The following SLCO1A2 variants were observed in gnomAD, a reference collection of about 807,000 sequenced individuals.
The protein encoded by SLCO1A2 is OATP-1.
A neutral mutation model predicts 69.0 loss-of-function variants in SLCO1A2; 67 were observed. That is an observed-to-expected ratio of 0.97 (90% confidence interval 0.80 to 1.19). The LOEUF (loss-of-function observed/expected upper bound fraction) is 1.19. SLCO1A2 is among the 50% of genes most tolerant of loss of function. The probability of loss-of-function intolerance (pLI) is 0.00; values close to 1 mark genes in which losing one functional copy is unlikely to be tolerated. For synonymous variants in SLCO1A2, 260 were observed against 265.9 expected (o/e 0.98, Z 0.22); for missense variants, 787 against 793.7 (o/e 0.99, Z 0.10).
intron 1 of SLCO1A2, among the ~76,000 whole-genome samples, chr12:21,376,684 G>A (rs1324932642): frequency 6.6e-6 from 1 of 151,858 alleles, no homozygotes; most frequent in African/African-American, 2.4e-5. Flanking sequence ...AGTTTCACAT[G>A]AGATTATTAA....
intron 12 of SLCO1A2, among the ~76,000 whole-genome samples, chr12:21,276,110 A>G (rs962960583): frequency 2.6e-5 from 4 of 152,188 alleles, no homozygotes; most frequent in Admixed American, 6.5e-5. Context: ...AATTTATGCT[A>G]TAAGAGAATT....
upstream of SLCO1A2, among the ~76,000 whole-genome samples, chr12:21,397,199 C>CA (rs1565531135): frequency 6.7e-6 from 1 of 150,192 alleles, no homozygotes; most frequent in African/African-American, 2.4e-5. Flanking sequence ...AAATGGAAAA[C>CA]AAAAAAAGGC....
At chr12:21,310,099 T>C (rs957487186) in intron 4 of SLCO1A2, among the ~76,000 whole-genome samples, 1 of 152,176 alleles carries the variant, frequency 6.6e-6, no homozygotes, top group African/African-American at 2.4e-5. Context: ...GTAAAAAAGA[T>C]TTACATAATT....
chr12:21,395,998 C>T (rs1210282678), upstream of SLCO1A2, among the ~76,000 whole-genome samples: 2 of 151,136 alleles, frequency 1.3e-5, no homozygotes, highest in African/African-American at 4.9e-5. Flanking sequence ...AGTTCCTCAC[C>T]AGCAACGGAA....
At chr12:21,387,122 T>A (rs1169178871) in intron 1 of SLCO1A2, among the ~76,000 whole-genome samples, 1 of 152,110 alleles carries the variant, frequency 6.6e-6, no homozygotes, top group Non-Finnish European at 1.5e-5. Context: ...ATTTAGGGTT[T>A]CTGGTGGAAA....
At chr12:21,318,163 C>T (rs1406728918) in intron 3 of SLCO1A2, among the ~76,000 whole-genome samples, 1 of 151,688 alleles carries the variant, frequency 6.6e-6, no homozygotes, top group African/African-American at 2.4e-5. Context: ...CACTCTCACC[C>T]AGGCTGGAGT....
intron 1 of SLCO1A2, among the ~76,000 whole-genome samples, chr12:21,384,511 T>C (rs1940767278): frequency 1.3e-5 from 2 of 152,108 alleles, no homozygotes; most frequent in African/African-American, 2.4e-5. Context: ...CAGTAGGAAG[T>C]GGCACACAAA....
At chr12:21,325,904 A>G (rs1952188247) in intron 2 of SLCO1A2, among the ~76,000 whole-genome samples, 1 of 152,106 alleles carries the variant, frequency 6.6e-6, no homozygotes, top group African/African-American at 2.4e-5. Flanking sequence ...TGTGGTAGTA[A>G]TGTCACCTGG....
intron 2 of SLCO1A2, among the ~76,000 whole-genome samples, chr12:21,350,834 T>C (rs1282222937): frequency 1.4e-4 from 1 of 7,314 alleles, no homozygotes; most frequent in African/African-American, 7.7e-4. Context: ...AGACTCTGTC[T>C]CAAAAAAAAA....
In SLCO1A2 at chr12:21,365,897, C is replaced by A. The variant is rs564619203; in HGVS notation, c.-63+8502G>T. ...TGGCAATCATTAAAAAGTCAGGAAA[C>A]AACAGGTGCTGGAGAGGATGTGGAG... On this transcript the variant is annotated intron_variant, in intron 2 of 15. Coordinates refer to the SLCO1A2 transcript ENST00000307378. Among the ~76,000 whole-genome samples, 13 of 152,260 alleles carry A rather than the reference C, an allele frequency of 8.5e-5. No individual in the cohort carries two copies. The South Asian group carries it at 1.2e-3, about 15-fold the overall frequency.
chr12:21,405,432 A>G (rs1941808411), intron 1 of SLCO1A2, among the ~76,000 whole-genome samples: 1 of 152,154 alleles, frequency 6.6e-6, no homozygotes, highest in African/African-American at 2.4e-5. Context: ...CAAAATTCAT[A>G]TGGAACCAAA....
At chr12:21,318,976 T>G in intron 2 of SLCO1A2, 53 bp from the exon 3 acceptor site, 1 of 1,347,980 alleles carries the variant, frequency 7.4e-7, no homozygotes, top group Non-Finnish European at 1.0e-6. Context: ...AATTGTATAC[T>G]TGCCGTCTGT....
At chr12:21,383,585 T>G (rs1169681263) in intron 1 of SLCO1A2, among the ~76,000 whole-genome samples, 2 of 152,178 alleles carry the variant, frequency 1.3e-5, no homozygotes, top group Non-Finnish European at 2.9e-5. Context: ...CATGATTCTT[T>G]CCGTCATACA....
chr12:21,313,139 C>A, intron 4 of SLCO1A2, among the ~76,000 whole-genome samples: 1 of 152,014 alleles, frequency 6.6e-6, no homozygotes. Context: ...AGTGGCACAT[C>A]AAAACAATTA....
intron 1 of SLCO1A2, among the ~76,000 whole-genome samples, chr12:21,402,806 A>C (rs1404151544): frequency 6.6e-6 from 1 of 152,186 alleles, no homozygotes; most frequent in African/African-American, 2.4e-5. Context: ...TGTATGTTTT[A>C]CATGAGCATA....
chr12:21,271,854 AT>A (rs1393637414), intron 14 of SLCO1A2, among the ~76,000 whole-genome samples: 1 of 148,682 alleles, frequency 6.7e-6, no homozygotes, highest in Non-Finnish European at 1.5e-5. Context: ...ATATACATAT[AT>A]TTGTACATAT....
intron 2 of SLCO1A2, among the ~76,000 whole-genome samples, chr12:21,329,088 T>C (rs1384952272): frequency 6.6e-6 from 1 of 152,158 alleles, no homozygotes; most frequent in East Asian, 1.9e-4. Context: ...TCACATATAC[T>C]CATCAGCAAT....
intron 2 of SLCO1A2, among the ~76,000 whole-genome samples, chr12:21,340,930 T>C (rs375744292): frequency 3.3e-5 from 5 of 152,118 alleles, no homozygotes; most frequent in Admixed American, 1.3e-4. Context: ...TGTAAAACTA[T>C]ATACAATTAG....
intron 1 of SLCO1A2, among the ~76,000 whole-genome samples, chr12:21,382,005 A>G (rs955032241): frequency 2.1e-4 from 32 of 152,210 alleles, no homozygotes; most frequent in Non-Finnish European, 3.5e-4. Context: ...AGCAGTGATT[A>G]TATGAAAAAC....
Sources: gnomAD v4.1 joint callset for allele counts (sites outside exome capture counted in the v4.1 genomes callset) on GRCh38, gnomAD v4.1.1 for gene constraint, MANE v1.5 for transcripts, NCBI Gene and HGNC (gene_info 2026-07-23, HGNC 2026-07-21) for gene names.